Variants in MANBA observed in about 807,000 individuals in gnomAD.
MANBA encodes the protein mannosidase beta.
A neutral mutation model predicts 111.1 loss-of-function variants in MANBA; 83 were observed. The observed-to-expected ratio is 0.75, with a 90% CI of 0.63 to 0.90. MANBA has a LOEUF of 0.90. Ranked by LOEUF, MANBA falls within the 40% of genes least tolerant of loss-of-function variation. The pLI is 0.00. For missense variants in MANBA, 1,036 were observed against 1,069.0 expected (o/e 0.97, Z 0.43); for synonymous variants, 370 against 378.7 (o/e 0.98, Z 0.27).
chr4:102,690,769 T>C lies in MANBA; in HGVS notation c.676A>G (p.Lys226Glu), dbSNP rs750030697. 7.0e-7 allele frequency: 1 copy of C among 1,423,312 alleles called. No homozygotes were observed. The highest frequency in any genetic ancestry group is 2.0e-5 in the Admixed American group (1 of 49,378). The allele number at this position is 1,423,312 out of a possible 1,614,324, so 88.2% of individuals were successfully genotyped here. A position where few individuals can be genotyped will look rare whatever the true frequency, so the allele number is the denominator to read the frequency against. Reference sequence around the variant, plus strand: ...TCCAGATTCCACTCCTGGGCACTCTTATCTAAAATATAAAAAGAAAAAGAA... The same window carrying C: ...TCCAGATTCCACTCCTGGGCACTCTCATCTAAAATATAAAAAGAAAAAGAA... ...NYFTFSPIYD[K>E]SAQEWNLEIE... Residue 226 changes from lysine to glutamate, a missense_variant and splice_region_variant, in exon 6 of 17, where the codon AAG (lysine) becomes GAG (glutamate). Physicochemically the swap from Lys to Glu is moderately conservative, Grantham distance 56 (BLOSUM62 1). Transcript: ENST00000647097.
At chr4:102,755,607 C>T (rs1723980028) in intron 1 of MANBA, among the ~76,000 whole-genome samples, 2 of 152,192 alleles carry the variant, frequency 1.3e-5, no homozygotes, top group Admixed American at 6.5e-5. Flanking sequence ...CAACAAAAGC[C>T]AAACTTGACA....
chr4:102,730,856 A>G (rs190439332), intron 1 of MANBA: 7 of 360,916 alleles, frequency 1.9e-5, no homozygotes, highest in East Asian at 6.8e-5. Flanking sequence ...TAGTTACCAT[A>G]AACAGCCTAC....
intron 13 of MANBA, among the ~76,000 whole-genome samples, chr4:102,642,234 A>C (rs1463011974): frequency 1.3e-5 from 2 of 152,156 alleles, no homozygotes; most frequent in Non-Finnish European, 2.9e-5. Context: ...CAATCTTTAC[A>C]CATAAGAGGG....
chr4:102,657,535 T>TA, intron 12 of MANBA, 147 bp downstream of exon 12: 1 of 717,866 alleles, frequency 1.4e-6, no homozygotes, highest in Admixed American at 2.6e-5. Context: ...CCCAAAGGTT[T>TA]AAAAAAATTA....
At chr4:102,649,201 T>C (rs977257437) in intron 13 of MANBA, among the ~76,000 whole-genome samples, 36 of 152,340 alleles carry the variant, frequency 2.4e-4, no homozygotes, top group Non-Finnish European at 4.7e-4. Flanking sequence ...TTGTGAATAA[T>C]GCTGCTATGA....
intron 1 of MANBA, among the ~76,000 whole-genome samples, chr4:102,758,269 C>T (rs571612397): frequency 6.6e-6 from 1 of 152,058 alleles, no homozygotes; most frequent in African/African-American, 2.4e-5. Flanking sequence ...CTTTACCACT[C>T]GATTTCAAGT....
rs565255995 is a variant in MANBA, at chr4:102,652,349, A to C, written c.1705-1648T>G. 2.0e-5 allele frequency among the ~76,000 whole-genome samples: 3 copies of C among 152,164 alleles called. No homozygotes were observed. The South Asian group carries it at 6.2e-4, about 32-fold the overall frequency. ...TTGGAGTGTCCTTCCTCCTTTTCAA[A>C]GTCTGAAATATACCTTTGGGCCATG... On this transcript the variant is annotated intron_variant, in intron 12 of 16. Transcript: ENST00000647097.
chr4:102,751,844 CAA>C, intron 1 of MANBA: 1 of 489,744 alleles, frequency 2.0e-6, no homozygotes, highest in Non-Finnish European at 4.0e-6. Flanking sequence ...TGGCCTGGGC[CAA>C]AAAAAAAGAT....
chr4:102,648,721 T>C (rs181409981), intron 13 of MANBA, among the ~76,000 whole-genome samples: 2 of 152,266 alleles, frequency 1.3e-5, no homozygotes, highest in Admixed American at 6.5e-5. Context: ...TTTTATGATA[T>C]GTCCATCAAA....
At chr4:102,697,585 C>T (rs1732785050) in intron 5 of MANBA, among the ~76,000 whole-genome samples, 3 of 145,228 alleles carry the variant, frequency 2.1e-5, no homozygotes, top group Admixed American at 7.0e-5. Flanking sequence ...TCAATTCCCA[C>T]CTATGAGTGA....
intron 5 of MANBA, among the ~76,000 whole-genome samples, chr4:102,692,767 A>C (rs978192843): frequency 2.6e-5 from 4 of 152,070 alleles, no homozygotes; most frequent in Non-Finnish European, 5.9e-5. Context: ...TTTTCTCCAA[A>C]GGAAGGGGAG....
intron 1 of MANBA, among the ~76,000 whole-genome samples, chr4:102,740,461 A>T (rs977379572): frequency 6.6e-6 from 1 of 152,170 alleles, no homozygotes; most frequent in Non-Finnish European, 1.5e-5. Context: ...AATTCATATA[A>T]AACTCAAAAG....
intron 12 of MANBA, 161 bp from the exon 13 acceptor site, chr4:102,650,862 G>C: frequency 1.6e-6 from 1 of 636,546 alleles, no homozygotes; most frequent in South Asian, 1.9e-5. Context: ...CCTACTTGTT[G>C]CCAGTGAAGG....
At chr4:102,727,671 G>T in intron 1 of MANBA, 5 of 1,389,434 alleles carry the variant, frequency 3.6e-6, no homozygotes, top group Non-Finnish European at 5.1e-6. Context: ...GTTGAACGCA[G>T]TCTCAGCAGA....
intron 7 of MANBA, among the ~76,000 whole-genome samples, chr4:102,682,429 A>T (rs1379608267): frequency 6.6e-6 from 1 of 152,054 alleles, no homozygotes; most frequent in Non-Finnish European, 1.5e-5. Flanking sequence ...TCACCCACTT[A>T]CTGTCTGCAC....
At chr4:102,728,878 G>A in intron 1 of MANBA, 1 of 777,834 alleles carries the variant, frequency 1.3e-6, no homozygotes, top group Non-Finnish European at 2.2e-6. Flanking sequence ...CAAAGCTGGG[G>A]CTTGGGAGGC....
At chr4:102,715,799 A>G (rs1265026693) in intron 4 of MANBA, among the ~76,000 whole-genome samples, 2 of 152,214 alleles carry the variant, frequency 1.3e-5, no homozygotes, top group Non-Finnish European at 2.9e-5. Flanking sequence ...TATCCAATAT[A>G]TCTATGTTGC....
In MANBA at chr4:102,640,558, G is replaced by T. The variant is rs182725523; in HGVS notation, c.1870-701C>A. Among the ~76,000 whole-genome samples the T allele has an allele frequency of 2.0e-5, 3 of 152,260 alleles. No homozygotes were observed. In the South Asian group the frequency reaches 6.2e-4, roughly 32 times the overall value. On this transcript the variant is annotated intron_variant, in intron 13 of 16. Coordinates refer to ENST00000647097, the MANE Select transcript of MANBA (RefSeq NM_005908.4). ...AGTCTCTTTTATCGCTGCCGTTACC[G>T]ACACATATGAATCACATGCTCTTAG... is the stretch of plus-strand genomic sequence containing the variant.
Position 102,723,052 on chromosome 4 carries a change from G to A in MANBA, c.379-11C>T. On this transcript the variant is annotated splice_polypyrimidine_tract_variant and intron_variant, in intron 3 of 16. Transcript: ENST00000647097. ...GGTAATATCAAAGCTCTAAGTTAAAGGGAACAATCAGACAAACCCATGATG... is the reference window on the plus strand; with the variant it reads ...GGTAATATCAAAGCTCTAAGTTAAAAGGAACAATCAGACAAACCCATGATG... The A allele has an allele frequency of 6.2e-7, 1 of 1,611,832 alleles. No individual in the cohort carries two copies.
Sources: allele counts gnomAD v4.1 joint callset (sites outside exome capture counted in the v4.1 genomes callset), GRCh38; gene constraint gnomAD v4.1.1; transcripts MANE v1.5; gene names NCBI Gene and HGNC (gene_info 2026-07-23, HGNC 2026-07-21).